The following ZNF346 variants were observed in gnomAD, a reference collection of about 807,000 sequenced individuals.
The protein encoded by ZNF346 is zinc finger protein 346, also known as double-stranded RNA-binding zinc finger protein JAZ.
Under a neutral mutation model 33.7 loss-of-function variants are expected in ZNF346, and 23 were observed. The observed-to-expected ratio is 0.68, with a 90% CI of 0.49 to 0.97. The LOEUF is 0.97. ZNF346 is among the 50% of genes least tolerant of loss of function. ZNF346 has a pLI of 0.00. For missense variants in ZNF346, 340 were observed against 371.1 expected (o/e 0.92, Z 0.69); for synonymous variants, 134 against 142.4 (o/e 0.94, Z 0.42).
chr5:177,075,699 T>C (rs1216552074), intron 8 of ZNF346, among the ~76,000 whole-genome samples: 1 of 150,872 alleles, frequency 6.6e-6, no homozygotes, highest in Non-Finnish European at 1.5e-5. Context: ...TTTTCCTTTT[T>C]TTTTGAGACA....
chr5:177,059,609 A>ATCC (rs5873565), intron 5 of ZNF346, among the ~76,000 whole-genome samples: 116,185 of 145,598 alleles, frequency 0.8, 45,568 homozygotes, highest in East Asian at 0.98. Context: ...GGTTACTGAA[A>ATCC]TCCTCTGCTT....
intron 1 of ZNF346, among the ~76,000 whole-genome samples, chr5:177,027,851 C>T (rs1777025102): frequency 1.3e-5 from 2 of 151,384 alleles, no homozygotes; most frequent in Admixed American, 1.3e-4. Context: ...CTCTGTTGCC[C>T]AGGCTGGTCT....
chr5:177,065,400 G>C lies in ZNF346; in HGVS notation c.*801G>C, dbSNP rs1783061908. 3 of 152,674 alleles carry C rather than the reference G, an allele frequency of 2.0e-5. No homozygotes were observed. Among genetic ancestry groups the C allele is most frequent in the Admixed American group, 2.0e-4 (3 of 15,270 alleles). The allele number at this position is 152,674 out of a possible 1,614,324, so 9.5% of individuals were successfully genotyped here. A position where few individuals can be genotyped will look rare whatever the true frequency, so the allele number is the denominator to read the frequency against. On this transcript the variant is annotated 3_prime_UTR_variant, in exon 7 of 7. Coordinates refer to ENST00000358149, the MANE Select transcript of ZNF346 (RefSeq NM_012279.4). ...ACACGGGAAAGTGCCCCACATGCAA[G>C]TCTCCCTGAGGGTTCTGCCCCTAAA...
intron 1 of ZNF346, among the ~76,000 whole-genome samples, chr5:177,036,175 G>A (rs953244681): frequency 2.0e-5 from 3 of 152,078 alleles, no homozygotes; most frequent in Non-Finnish European, 1.5e-5. Flanking sequence ...AGCCTCTGGG[G>A]GCTGGCCAGA....
intron 5 of ZNF346, among the ~76,000 whole-genome samples, chr5:177,053,585 C>T (rs2149676902): frequency 6.6e-6 from 1 of 151,638 alleles, no homozygotes; most frequent in Middle Eastern, 3.4e-3. Flanking sequence ...TTTTAAAAGA[C>T]CTGGAAGAAA....
At chr5:177,033,803 G>A (rs758795427) in intron 1 of ZNF346, among the ~76,000 whole-genome samples, 1 of 152,082 alleles carries the variant, frequency 6.6e-6, no homozygotes, top group Non-Finnish European at 1.5e-5. Flanking sequence ...GATTACAGGC[G>A]TGAGCCACCG....
chr5:177,024,077 C>T (rs115360517), intron 1 of ZNF346, among the ~76,000 whole-genome samples: 8,752 of 146,854 alleles, frequency 0.06, 353 homozygotes, highest in Admixed American at 0.085. Flanking sequence ...AATATACACA[C>T]ACATAAATGT....
Position 177,064,680 on chromosome 5 carries a change from C to G in ZNF346, c.*81C>G, listed in dbSNP as rs1782980848. The G allele has an allele frequency of 1.8e-6, 2 of 1,138,946 alleles. No individual in the cohort carries two copies. Among genetic ancestry groups the G allele is most frequent in the South Asian group, 1.2e-5 (1 of 80,158 alleles). 70.6% of individuals were successfully genotyped at this position (1,138,946 alleles called of 1,614,324 possible). Reference sequence around the variant, plus strand: ...CTGCTCAGCCCTTGGCTCCCTCTTGCTCGTTGTTCTCACCAGGAAAGTACA... The same window carrying G: ...CTGCTCAGCCCTTGGCTCCCTCTTGGTCGTTGTTCTCACCAGGAAAGTACA... On this transcript the variant is annotated 3_prime_UTR_variant, in exon 7 of 7. Transcript: ENST00000358149.
intron 5 of ZNF346, among the ~76,000 whole-genome samples, chr5:177,061,450 A>C (rs972281845): frequency 6.6e-6 from 1 of 152,142 alleles, no homozygotes; most frequent in African/African-American, 2.4e-5. Context: ...TCTCAAAAAA[A>C]GAAAAGAAAA....
intron 5 of ZNF346, among the ~76,000 whole-genome samples, chr5:177,052,111 G>A (rs1781011560): frequency 6.6e-6 from 1 of 152,022 alleles, no homozygotes; most frequent in East Asian, 1.9e-4. Flanking sequence ...GCTAAAGTGA[G>A]ATATGATTGT....
At chr5:177,054,844 G>A (rs532509647) in intron 5 of ZNF346, among the ~76,000 whole-genome samples, 1 of 152,202 alleles carries the variant, frequency 6.6e-6, no homozygotes, top group South Asian at 2.1e-4. Flanking sequence ...AGAACAGAAG[G>A]ACCTCAAGTG....
intron 4 of ZNF346, among the ~76,000 whole-genome samples, chr5:177,047,807 A>G (rs1276201267): frequency 1.3e-5 from 2 of 151,822 alleles, no homozygotes; most frequent in East Asian, 1.9e-4. Flanking sequence ...TGCCCTGCCT[A>G]ATTTTTGTAT....
chr5:177,080,539 A>C (rs1783935628), exon 9 of ZNF346: 1 of 152,224 alleles, frequency 6.6e-6, no homozygotes, highest in African/African-American at 2.4e-5. Context: ...TCACTGGGCA[A>C]GGTGGCTCAC....
At chr5:177,062,248 C>T (rs1782641512) in intron 6 of ZNF346, 97 bp downstream of exon 6, 1 of 972,362 alleles carries the variant, frequency 1.0e-6, no homozygotes, top group Admixed American at 2.0e-5. Context: ...AAATGGAATC[C>T]TGGCAGTCTT....
chr5:177,041,934 G>C, intron 3 of ZNF346, 64 bp downstream of exon 3: 3 of 1,102,566 alleles, frequency 2.7e-6, no homozygotes, highest in Non-Finnish European at 4.1e-6. Flanking sequence ...GGTTGGTGTG[G>C]TGAACAAGTC....
At chr5:177,054,387 A>AT in intron 5 of ZNF346, among the ~76,000 whole-genome samples, 1 of 143,058 alleles carries the variant, frequency 7.0e-6, no homozygotes, top group East Asian at 2.1e-4. Flanking sequence ...TTTTTTATTT[A>AT]TTTATTTATT....
chr5:177,032,613 G>A (rs1040688251), intron 1 of ZNF346, among the ~76,000 whole-genome samples: 6 of 152,078 alleles, frequency 3.9e-5, no homozygotes, highest in African/African-American at 1.4e-4. Flanking sequence ...GTTTTACCAC[G>A]TTGGCCAGCC....
intron 1 of ZNF346, among the ~76,000 whole-genome samples, chr5:177,034,039 A>G (rs560589582): frequency 6.6e-6 from 1 of 151,052 alleles, no homozygotes; most frequent in East Asian, 2.0e-4. Flanking sequence ...GCACCACCAT[A>G]CCCAGCTAAT....
chr5:177,040,230 T>C (rs1779157270), intron 1 of ZNF346, among the ~76,000 whole-genome samples: 1 of 152,022 alleles, frequency 6.6e-6, no homozygotes, highest in South Asian at 2.1e-4. Context: ...GGAGAGATTT[T>C]ACCTCCTCTT....
Sources: gnomAD v4.1 joint callset for allele counts (sites outside exome capture counted in the v4.1 genomes callset) on GRCh38, gnomAD v4.1.1 for gene constraint, MANE v1.5 for transcripts, NCBI Gene and HGNC (gene_info 2026-07-23, HGNC 2026-07-21) for gene names.